Variants in DCDC1 observed in about 807,000 individuals in gnomAD.
DCDC1 encodes doublecortin domain-containing protein 1.
A neutral mutation model predicts 178.3 loss-of-function variants in DCDC1; 200 were observed. The observed-to-expected ratio is 1.12, with a 90% CI of 1.00 to 1.26. DCDC1 has a LOEUF of 1.26. Among genes scored for constraint, DCDC1 ranks in the 50% most tolerant of loss-of-function variants. The probability of loss-of-function intolerance (pLI) is 0.00; values close to 1 mark genes in which losing one functional copy is unlikely to be tolerated. For synonymous variants in DCDC1, 690 were observed against 604.8 expected (o/e 1.14, Z -2.07); for missense variants, 1,983 against 1,749.2 (o/e 1.13, Z -2.38).
intron 10 of DCDC1, among the ~76,000 whole-genome samples, chr11:31,134,354 C>T (rs1962858920): frequency 6.6e-6 from 1 of 152,180 alleles, no homozygotes; most frequent in East Asian, 1.9e-4. Flanking sequence ...CCCAGGTTAG[C>T]ACCAATGTCT....
intron 8 of DCDC1, among the ~76,000 whole-genome samples, chr11:31,245,860 G>A (rs769578252): frequency 6.6e-6 from 1 of 151,854 alleles, no homozygotes; most frequent in Admixed American, 6.6e-5. Context: ...AACTGTTCAG[G>A]CTTCAAGAGG....
intron 1 of DCDC1, among the ~76,000 whole-genome samples, chr11:31,343,106 TA>T (rs1448784625): frequency 5.3e-5 from 8 of 151,984 alleles, no homozygotes; most frequent in African/African-American, 1.9e-4. Context: ...TCTCTACAAA[TA>T]AAAAATTTTA....
intron 6 of DCDC1, 30 bp from the exon 7 acceptor site, chr11:31,290,882 T>C (rs781684227): frequency 1.9e-6 from 3 of 1,592,802 alleles, no homozygotes; most frequent in Non-Finnish European, 2.6e-6. Context: ...GTCAAGTCAA[T>C]ATTTGGCTTC....
At chr11:31,163,471 C>T (rs1175363724) in intron 9 of DCDC1, among the ~76,000 whole-genome samples, 2 of 152,062 alleles carry the variant, frequency 1.3e-5, no homozygotes, top group African/African-American at 4.8e-5. Context: ...TCTTTGATTT[C>T]ACCATGATGC....
intron 9 of DCDC1, among the ~76,000 whole-genome samples, chr11:31,148,191 G>A: frequency 8.1e-6 from 1 of 123,454 alleles, no homozygotes; most frequent in Admixed American, 9.7e-5. Flanking sequence ...GAATGTGTAA[G>A]AGCTAGAATT....
chr11:30,872,773 C>G (rs1039579626), intron 38 of DCDC1, among the ~76,000 whole-genome samples: 3 of 152,114 alleles, frequency 2.0e-5, no homozygotes, highest in African/African-American at 7.2e-5. Flanking sequence ...ACCCCTACCT[C>G]CCCTCCAGTA....
rs514834 is a variant in DCDC1 at position 30,905,427 on chromosome 11, T to C, written c.4105-263A>G. On this transcript the variant is annotated intron_variant, in intron 30 of 38. Coordinates refer to ENST00000684477, the MANE Select transcript of DCDC1 (RefSeq NM_001387274.1). ...TCTGGCATTCTCTTGTTTTTGTTTGTTTATTTGTTTTTTGCTTTCTCTCTG... is the reference window on the plus strand; with the variant it reads ...TCTGGCATTCTCTTGTTTTTGTTTGCTTATTTGTTTTTTGCTTTCTCTCTG... Among the ~76,000 whole-genome samples, 481 of 152,256 alleles carry C rather than the reference T, an allele frequency of 3.2e-3. 2 individuals are homozygous for C. Among genetic ancestry groups the C allele is most frequent in the African/African-American group, 0.011 (469 of 41,546 alleles).
intron 9 of DCDC1, among the ~76,000 whole-genome samples, chr11:31,193,313 C>G (rs1214169914): frequency 6.6e-6 from 1 of 152,018 alleles, no homozygotes; most frequent in Admixed American, 6.6e-5. Flanking sequence ...TCTCCCTCAA[C>G]TAAACTACAG....
At chr11:31,352,145 G>C (rs1951104364) in intron 1 of DCDC1, among the ~76,000 whole-genome samples, 1 of 152,046 alleles carries the variant, frequency 6.6e-6, no homozygotes, top group Admixed American at 6.6e-5. Context: ...ACTTTGTAAA[G>C]ATCACCATCT....
At position 31,332,371 on chromosome 11, in the gene DCDC1, T is replaced by C. The variant is rs540257270; in HGVS notation, c.-7+3076A>G. 2.6e-5 allele frequency among the ~76,000 whole-genome samples: 4 copies of C among 152,324 alleles called. No homozygotes were observed. In the South Asian group the frequency reaches 8.3e-4, roughly 32 times the overall value. ...GTTTTTTGAAGGGATTTTGTGTGTC[T>C]ATCTCCTTAAGTTCTGCTCTGATCT... On this transcript the variant is annotated intron_variant, in intron 2 of 38. Coordinates refer to ENST00000684477, the MANE Select transcript of DCDC1 (RefSeq NM_001387274.1).
At position 31,117,260 on chromosome 11, in the gene DCDC1, C is replaced by T. The variant is rs115092970; in HGVS notation, c.1486-6899G>A. The stretch of plus-strand genomic sequence containing the variant: ...GGGGTTGGGCAACAGTGGTTTCACA[C>T]GGGGAATCAGATCTGATGAGTGACT... On this transcript the variant is annotated intron_variant, in intron 11 of 38. Transcript: ENST00000684477. Among the ~76,000 whole-genome samples the T allele has an allele frequency of 3.0e-3, 456 of 151,906 alleles. 8 individuals are homozygous for T. The highest frequency in any genetic ancestry group is 0.011 in the African/African-American group (448 of 41,408).
intron 20 of DCDC1, among the ~76,000 whole-genome samples, chr11:31,023,429 T>A (rs1416914407): frequency 2.0e-5 from 3 of 151,968 alleles, no homozygotes; most frequent in Non-Finnish European, 2.9e-5. Context: ...ATCAAAGGCT[T>A]ATGTTGGAAC....
At chr11:31,049,174 T>C (rs898751920) in intron 20 of DCDC1, among the ~76,000 whole-genome samples, 9 of 152,178 alleles carry the variant, frequency 5.9e-5, no homozygotes, top group African/African-American at 2.2e-4. Flanking sequence ...AAAGTACAAA[T>C]TCAGGTCTCT....
At chr11:31,121,887 G>A (rs1439779630) in intron 11 of DCDC1, among the ~76,000 whole-genome samples, 3 of 152,068 alleles carry the variant, frequency 2.0e-5, no homozygotes, top group East Asian at 3.9e-4. Flanking sequence ...TGCTTTACTA[G>A]GGCTATGTAA....
At chr11:31,180,063 T>G (rs1418312765) in intron 9 of DCDC1, among the ~76,000 whole-genome samples, 1 of 152,152 alleles carries the variant, frequency 6.6e-6, no homozygotes, top group Non-Finnish European at 1.5e-5. Flanking sequence ...GAAAAAGCAT[T>G]TGGTAAAATT....
At chr11:30,918,731 G>A (rs564952042) in intron 25 of DCDC1, among the ~76,000 whole-genome samples, 1 of 152,196 alleles carries the variant, frequency 6.6e-6, no homozygotes, top group Non-Finnish European at 1.5e-5. Context: ...TGACAGGTAT[G>A]CAGTGAGTGA....
At chr11:30,991,532 T>G (rs1950979653) in intron 20 of DCDC1, among the ~76,000 whole-genome samples, 1 of 152,156 alleles carries the variant, frequency 6.6e-6, no homozygotes, top group South Asian at 2.1e-4. Context: ...ATTGGGAAAC[T>G]TTAAACTAGA....
chr11:30,978,827 C>CACACACACACACA (rs1554991411), intron 20 of DCDC1, among the ~76,000 whole-genome samples: 7 of 140,534 alleles, frequency 5.0e-5, no homozygotes, highest in South Asian at 2.2e-4. Context: ...CACACACACA[C>CACACACACACACA]CCCCTTCTCA....
intron 3 of DCDC1, among the ~76,000 whole-genome samples, chr11:31,315,700 A>T (rs1208669154): frequency 9.2e-6 from 1 of 109,140 alleles, no homozygotes. Flanking sequence ...ACATGTGCAT[A>T]TTGTGCAGGT....
Sources: gnomAD v4.1 joint callset for allele counts (sites outside exome capture counted in the v4.1 genomes callset) on GRCh38, gnomAD v4.1.1 for gene constraint, MANE v1.5 for transcripts, NCBI Gene and HGNC (gene_info 2026-07-23, HGNC 2026-07-21) for gene names.